Variants in ARHGAP17 observed in about 807,000 individuals in gnomAD.
ARHGAP17 encodes the protein Rho GTPase activating protein 17.
In ARHGAP17, 57 loss-of-function variants were observed where a neutral mutation model predicts 99.5. The observed-to-expected ratio is 0.57, with a 90% CI of 0.46 to 0.71. The LOEUF (loss-of-function observed/expected upper bound fraction) is 0.71, where lower values mean the gene tolerates loss of function less well. ARHGAP17 is among the 30% of genes least tolerant of loss of function. The pLI is 0.00. For missense variants in ARHGAP17, 1,000 were observed against 1,122.4 expected, an observed-to-expected ratio of 0.89 and a Z score of 1.56; for synonymous variants, 417 against 429.6, an observed-to-expected ratio of 0.97 and a Z score of 0.36.
intron 1 of ARHGAP17, among the ~76,000 whole-genome samples, chr16:24,996,165 G>A (rs2053186860): frequency 2.6e-5 from 4 of 152,078 alleles, no homozygotes; most frequent in Admixed American, 2.6e-4. Context: ...TAACTAAAAT[G>A]TCTCCCATAA....
intron 3 of ARHGAP17, among the ~76,000 whole-genome samples, chr16:24,973,049 T>C (rs955604141): frequency 4.6e-5 from 7 of 152,026 alleles, no homozygotes; most frequent in African/African-American, 1.4e-4. Flanking sequence ...TTGCACAGGC[T>C]GGTATCGACT....
chr16:24,981,214 T>C (rs115062220), intron 1 of ARHGAP17, among the ~76,000 whole-genome samples: 229 of 152,174 alleles, frequency 1.5e-3, no homozygotes, highest in African/African-American at 5.3e-3. Context: ...ACAATTCAAA[T>C]AGGAGCTTGG....
intron 1 of ARHGAP17, 83 bp from the exon 2 acceptor site, chr16:24,979,088 T>C: frequency 9.9e-7 from 1 of 1,008,232 alleles, no homozygotes; most frequent in Non-Finnish European, 1.5e-6. Flanking sequence ...TAGCCTGGAG[T>C]TTAAAGCAAA....
At chr16:24,984,539 C>T (rs2052798668) in intron 1 of ARHGAP17, among the ~76,000 whole-genome samples, 1 of 152,076 alleles carries the variant, frequency 6.6e-6, no homozygotes, top group South Asian at 2.1e-4. Flanking sequence ...ACCTGTAGTC[C>T]CAGCTACTCG....
At chr16:24,959,357 G>C (rs912819291) in intron 9 of ARHGAP17, among the ~76,000 whole-genome samples, 11 of 152,180 alleles carry the variant, frequency 7.2e-5, no homozygotes, top group African/African-American at 2.2e-4. Context: ...ATGTGGAAAA[G>C]GATCATTCAA....
At chr16:24,981,104 T>C (rs979102681) in intron 1 of ARHGAP17, among the ~76,000 whole-genome samples, 16 of 152,236 alleles carry the variant, frequency 1.1e-4, no homozygotes, top group Non-Finnish European at 2.1e-4. Flanking sequence ...AGAGGTATGC[T>C]AGAGCCAACT....
intron 15 of ARHGAP17, among the ~76,000 whole-genome samples, chr16:24,942,402 AAAAT>A (rs904270797): frequency 1.3e-5 from 2 of 152,328 alleles, no homozygotes; most frequent in Admixed American, 6.5e-5. Context: ...TTGTGGAAAA[AAAAT>A]AAATAAAAAC....
chr16:24,962,148 C>T (rs1436590666), intron 7 of ARHGAP17, among the ~76,000 whole-genome samples: 1 of 150,002 alleles, frequency 6.7e-6, no homozygotes, highest in Non-Finnish European at 1.5e-5. Flanking sequence ...CCCCACCATA[C>T]ACACACACAC....
At chr16:24,999,500 C>A (rs1038908589) in intron 1 of ARHGAP17, among the ~76,000 whole-genome samples, 1 of 152,030 alleles carries the variant, frequency 6.6e-6, no homozygotes, top group Non-Finnish European at 1.5e-5. Flanking sequence ...CACTGCAGCT[C>A]CGGCTCCTGG....
intron 1 of ARHGAP17, among the ~76,000 whole-genome samples, chr16:24,992,469 G>A (rs1440833329): frequency 6.6e-6 from 1 of 152,086 alleles, no homozygotes; most frequent in African/African-American, 2.4e-5. Context: ...CCGAGTAGCT[G>A]GGACTACAGG....
rs772552729 is a variant in ARHGAP17 at position 24,920,231 on chromosome 16, G to A, written c.2545C>T (p.Arg849Cys). The change falls in exon 20 of 20, where the codon CGC becomes TGC. Residue 849 changes from arginine to cysteine, a missense_variant. By Grantham distance (180) the Arg-to-Cys change is radical. This residue lies in a region of ARHGAP17 where 528 missense variants were observed against 511.4 expected (regional missense o/e 1.03). Coordinates refer to ENST00000289968, the MANE Select transcript of ARHGAP17 (RefSeq NM_001006634.3). ...DSNSRVSEPH[R>C]SIFPEMHSDS... ...GAGTGCATTTCAGGAAAGATGCTGC[G>A]ATGCGGTTCTGAAACCCTGGAATTG... is the stretch of plus-strand genomic sequence containing the variant. 1.9e-5 allele frequency: 31 copies of A among 1,614,104 alleles called. No individual in the cohort carries two copies. Among genetic ancestry groups the A allele is most frequent in the Non-Finnish European group, 2.5e-5 (30 of 1,180,012 alleles).
intron 16 of ARHGAP17, among the ~76,000 whole-genome samples, chr16:24,940,559 C>A (rs984572503): frequency 6.6e-6 from 1 of 152,026 alleles, no homozygotes; most frequent in African/African-American, 2.4e-5. Flanking sequence ...AAATTAGCTG[C>A]GTGAGGTGGT....
At chr16:24,976,746 G>A (rs970381987) in intron 3 of ARHGAP17, among the ~76,000 whole-genome samples, 7 of 152,126 alleles carry the variant, frequency 4.6e-5, no homozygotes, top group African/African-American at 1.4e-4. Context: ...GCCTGTCTAG[G>A]GACAAAGCAG....
intron 16 of ARHGAP17, among the ~76,000 whole-genome samples, chr16:24,940,268 A>T (rs572724110): frequency 6.6e-6 from 1 of 152,218 alleles, no homozygotes; most frequent in African/African-American, 2.4e-5. Flanking sequence ...GTTTTTGGGG[A>T]ATGACACAGA....
intron 1 of ARHGAP17, among the ~76,000 whole-genome samples, chr16:24,985,670 C>T (rs554465021): frequency 6.6e-6 from 1 of 152,302 alleles, no homozygotes; most frequent in South Asian, 2.1e-4. Flanking sequence ...CCCCCTCTGC[C>T]ATGTAATCTA....
chr16:24,951,745 T>C (rs567836470), intron 12 of ARHGAP17, among the ~76,000 whole-genome samples: 1 of 152,232 alleles, frequency 6.6e-6, no homozygotes, highest in Non-Finnish European at 1.5e-5. Context: ...CAGTATATAA[T>C]ACATACAACA....
chr16:24,981,024 A>G (rs2052660047), intron 1 of ARHGAP17, among the ~76,000 whole-genome samples: 1 of 152,174 alleles, frequency 6.6e-6, no homozygotes, highest in African/African-American at 2.4e-5. Flanking sequence ...AAATAACAGA[A>G]GAAGAGAAGA....
At chr16:24,922,850 T>A (rs2050751203) in intron 19 of ARHGAP17, among the ~76,000 whole-genome samples, 1 of 151,902 alleles carries the variant, frequency 6.6e-6, no homozygotes, top group African/African-American at 2.4e-5. Flanking sequence ...TAATTTTTTT[T>A]ATTTTTGGTA....
At chr16:25,014,895 G>A (rs951746078) in intron 1 of ARHGAP17, among the ~76,000 whole-genome samples, 5 of 152,198 alleles carry the variant, frequency 3.3e-5, no homozygotes, top group Admixed American at 2.6e-4. Flanking sequence ...GAGAAGGACC[G>A]GGTCTACTCC....
Sources: gnomAD v4.1 joint callset for allele counts (sites outside exome capture counted in the v4.1 genomes callset) on GRCh38, gnomAD v4.1.1 for gene constraint, gnomAD v4.1.1 regional missense constraint, MANE v1.5 for transcripts, NCBI Gene and HGNC (gene_info 2026-07-23, HGNC 2026-07-21) for gene names.